The following BAIAP3 variants were observed in gnomAD, a reference collection of about 807,000 sequenced individuals.
The protein encoded by BAIAP3 is BAI1-associated protein 3.
A neutral mutation model predicts 149.7 loss-of-function variants in BAIAP3; 180 were observed. The ratio of observed to expected loss-of-function variants is 1.20; its 90% CI spans 1.07 to 1.36. The LOEUF is 1.36. Ranked by LOEUF, BAIAP3 falls within the 40% of genes most tolerant of loss-of-function variation. The pLI, the probability that BAIAP3 is intolerant of heterozygous loss-of-function variation, is 0.00. For missense variants in BAIAP3, 1,767 were observed against 1,563.4 expected, an observed-to-expected ratio of 1.13 and a Z score of -2.20; for synonymous variants, 845 against 670.7, an observed-to-expected ratio of 1.26 and a Z score of -4.02.
rs2141598224 is a variant in BAIAP3, at chr16:1,344,124, C to T, written c.1489C>T (p.His497Tyr). The stretch of plus-strand genomic sequence containing the variant: ...CCCTGCCACCAACAGCACCGCTGTC[C>T]ACCGCCTGGAGCTGCTGCTGAAGTG... ...YFPATNSTAV[H>Y]RLELLLKCLG... is the part of the protein sequence containing the mutation. The change falls in exon 16 of 34, where the codon CAC becomes TAC. Residue 497 changes from histidine (H) to tyrosine (Y), a missense_variant. Transcript: ENST00000426824. 1.2e-6 allele frequency: 2 copies of T among 1,612,012 alleles called. No individual in the cohort carries two copies. The highest frequency in any genetic ancestry group is 1.7e-6 in the Non-Finnish European group (2 of 1,179,830).
intron 1 of BAIAP3, chr16:1,336,136 C>A: frequency 2.3e-6 from 2 of 885,562 alleles, no homozygotes; most frequent in Non-Finnish European, 2.7e-6. Context: ...CCCCCATCGC[C>A]CCTGTCACAC....
chr16:1,336,567 G>A (rs1201730580), intron 1 of BAIAP3, among the ~76,000 whole-genome samples: 1 of 152,158 alleles, frequency 6.6e-6, no homozygotes, highest in Non-Finnish European at 1.5e-5. Context: ...CTGAGCTGGT[G>A]TGGGTATAGC....
rs887041870 is a variant in BAIAP3 at position 1,347,084 on chromosome 16, C to T, written c.2751+129C>T. The stretch of plus-strand genomic sequence containing the variant: ...GCAGCCACTCCAGGGCTGTCCACAG[C>T]GCCTCCTCCCGTTAATGCCGAGGTG... On this transcript the variant is annotated intron_variant, in intron 28 of 33. Transcript: ENST00000426824. 6.5e-5 allele frequency: 61 copies of T among 941,392 alleles called. No homozygotes were observed. In the Admixed American group the frequency reaches 1.0e-3, roughly 16 times the overall value. The allele number at this position is 941,392 out of a possible 1,614,324, so 58.3% of individuals were successfully genotyped here.
chr16:1,340,212 GCA>G (rs1216175421), intron 5 of BAIAP3, among the ~76,000 whole-genome samples: 2 of 112,256 alleles, frequency 1.8e-5, no homozygotes, highest in African/African-American at 3.7e-5. Flanking sequence ...GGCTGCAGGT[GCA>G]CACAGACACA....
chr16:1,338,156 G>A (rs1487910912), intron 1 of BAIAP3, among the ~76,000 whole-genome samples: 1 of 152,140 alleles, frequency 6.6e-6, no homozygotes, highest in Admixed American at 6.5e-5. Context: ...TGCAGCCCCA[G>A]GAAACAGGCG....
At chr16:1,345,915 A>G (rs1225015815) in intron 23 of BAIAP3, 25 bp downstream of exon 23, 1 of 1,548,650 alleles carries the variant, frequency 6.5e-7, no homozygotes, top group Admixed American at 1.9e-5. Flanking sequence ...CCTGGGGGTG[A>G]GGGGAACGGG....
In BAIAP3 at chr16:1,348,417, A is replaced by G. The variant is rs1464395017; in HGVS notation, c.3394A>G (p.Lys1132Glu). 1.2e-6 allele frequency: 2 copies of G among 1,612,682 alleles called. No homozygotes were observed. Among genetic ancestry groups the G allele is most frequent in the African/African-American group, 1.3e-5 (1 of 74,940 alleles). ...GAGGAGGCTGGAAGGCCGCACCAGC[A>G]AGGAGGCGCAGGAGTTCGTGAAGAA... ...ALRRLEGRTSKEAQEFVKKLK... is the reference protein window; with the variant it reads ...ALRRLEGRTSEEAQEFVKKLK... Residue 1132 changes from lysine (K) to glutamate (E), a missense_variant, in exon 34 of 34, where the codon AAG (lysine) becomes GAG (glutamate). Physicochemically the swap from Lys to Glu is moderately conservative, Grantham distance 56. Transcript: ENST00000426824.
At chr16:1,334,807 G>T (rs1188963899) in intron 1 of BAIAP3, 2 of 1,482,328 alleles carry the variant, frequency 1.3e-6, no homozygotes, top group Non-Finnish European at 1.8e-6. Flanking sequence ...CTGGTGAAGG[G>T]GAGTCGGGGG....
rs889333010 is a variant in BAIAP3 at position 1,345,351 on chromosome 16, G to C, written c.2043G>C (p.Gln681His). ...VLRDQAKWRL[Q>H]GAVDMDTLEP... ...GGGACCAGGCCAAGTGGAGGCTTCA[G>C]GGAGCCGTGGACATGGACACGGTGA... Residue 681 changes from glutamine to histidine, a missense_variant, in exon 22 of 34, where the codon CAG (glutamine) becomes CAC (histidine). Transcript: ENST00000426824. The C allele has an allele frequency of 1.2e-6, 2 of 1,612,640 alleles. No homozygotes were observed. The highest frequency in any genetic ancestry group is 1.7e-6 in the Non-Finnish European group (2 of 1,179,780).
rs923965822 is a variant in BAIAP3 at position 1,349,068 on chromosome 16, C to T, written c.*586C>T. On this transcript the variant is annotated 3_prime_UTR_variant, in exon 34 of 34. Transcript: ENST00000426824. ...CCTGAGGTCACTCTGAGGCCAGGGA[C>T]GTCACCCAAGGCTGGTGGTCAGTGT... The T allele has an allele frequency of 1.3e-4, 42 of 318,442 alleles. No homozygotes were observed. The highest frequency in any genetic ancestry group is 2.2e-4 in the Non-Finnish European group (37 of 168,166). The allele number at this position is 318,442 out of a possible 1,614,324, so 19.7% of individuals were successfully genotyped here. A position where few individuals can be genotyped will look rare whatever the true frequency, so the allele number is the denominator to read the frequency against.
chr16:1,349,106 G>C lies in BAIAP3; in HGVS notation c.*624G>C. 2.6e-6 allele frequency: 1 copy of C among 384,338 alleles called. No homozygotes were observed. Among genetic ancestry groups the C allele is most frequent in the South Asian group, 2.4e-5 (1 of 42,254 alleles). The allele number at this position is 384,338 out of a possible 1,614,324, so 23.8% of individuals were successfully genotyped here. On this transcript the variant is annotated 3_prime_UTR_variant, in exon 34 of 34. Coordinates refer to ENST00000426824, the MANE Select transcript of BAIAP3 (RefSeq NM_001199097.2). The stretch of plus-strand genomic sequence containing the variant: ...TGGTGGTCAGTGTGAAGGGCTCCGT[G>C]CCAACTGGTCAGCTGTCCTTCACGC...
chr16:1,340,408 ACG>A (rs2033837956), intron 5 of BAIAP3, among the ~76,000 whole-genome samples: 1 of 101,564 alleles, frequency 9.8e-6, no homozygotes, highest in Admixed American at 1.2e-4. Context: ...ACACAGATGC[ACG>A]CACATAGGCT....
Position 1,345,353 on chromosome 16 carries a change from G to A in BAIAP3, c.2045G>A (p.Gly682Glu), listed in dbSNP as rs768434936. The change falls in exon 22 of 34, where the codon GGA (glycine) becomes GAA (glutamate). Residue 682 changes from glycine (G) to glutamate (E), a missense_variant. Physicochemically the swap from Gly to Glu is moderately conservative, Grantham distance 98. Transcript: ENST00000426824. ...GACCAGGCCAAGTGGAGGCTTCAGGGAGCCGTGGACATGGACACGGTGACA... is the reference window on the plus strand; with the variant it reads ...GACCAGGCCAAGTGGAGGCTTCAGGAAGCCGTGGACATGGACACGGTGACA... The part of the protein sequence containing the change: ...LRDQAKWRLQ[G>E]AVDMDTLEPV... The A allele has an allele frequency of 1.3e-5, 21 of 1,612,482 alleles. No homozygotes were observed. In the South Asian group the frequency reaches 2.3e-4, roughly 18 times the overall value.
rs148596071 is a variant in BAIAP3 at position 1,342,211 on chromosome 16, C to A, written c.885C>A (p.Arg295=). 6.2e-7 allele frequency: 1 copy of A among 1,609,688 alleles called. No homozygotes were observed. Among genetic ancestry groups the A allele is most frequent in the South Asian group, 1.1e-5 (1 of 90,900 alleles). The stretch of plus-strand genomic sequence containing the variant: ...TCAAACAGATCGTCAAGTCAGCCCG[C>A]GCAAACGGGACAGCAGGACCCACCG... ...RYFKQIVKSA[R]ANGTAGPTED... is the part of the protein sequence containing the mutation. The change falls in exon 11 of 34, where the codon CGC becomes CGA. Residue 295 remains arginine, a synonymous_variant. Coordinates refer to ENST00000426824, the MANE Select transcript of BAIAP3 (RefSeq NM_001199097.2).
At position 1,344,131 on chromosome 16, in the gene BAIAP3, T is replaced by C. The variant is rs201916316; in HGVS notation, c.1496T>C (p.Leu499Pro). Residue 499 changes from leucine to proline, a missense_variant, in exon 16 of 34, where the codon CTG becomes CCG. Physicochemically the swap from Leu to Pro is moderately conservative, Grantham distance 98. Coordinates refer to ENST00000426824, the MANE Select transcript of BAIAP3 (RefSeq NM_001199097.2). ...ACCAACAGCACCGCTGTCCACCGCC[T>C]GGAGCTGCTGCTGAAGTGGGTGCAG... is the stretch of plus-strand genomic sequence containing the variant. ...PATNSTAVHR[L>P]ELLLKCLGKL... The C allele has an allele frequency of 1.4e-4, 229 of 1,611,806 alleles. No individual in the cohort carries two copies. Among genetic ancestry groups the C allele is most frequent in the Non-Finnish European group, 2.5e-5 (30 of 1,179,776 alleles).
rs370438521 is a variant in BAIAP3, at chr16:1,340,917, C to T, written c.409-5C>T. ...AGGCCCTGCCAACCCAGCCACCCTCCACAGGTGTTTGGCACCAGCCTTGAG... is the reference window on the plus strand; with the variant it reads ...AGGCCCTGCCAACCCAGCCACCCTCTACAGGTGTTTGGCACCAGCCTTGAG... On this transcript the variant is annotated splice_region_variant and splice_polypyrimidine_tract_variant and intron_variant, in intron 5 of 33. Coordinates refer to ENST00000426824, the MANE Select transcript of BAIAP3 (RefSeq NM_001199097.2). 165 of 1,567,718 alleles carry T rather than the reference C, an allele frequency of 1.1e-4. No individual in the cohort carries two copies. The highest frequency in any genetic ancestry group is 1.4e-4 in the Non-Finnish European group (161 of 1,156,674).
At chr16:1,336,479 G>A (rs771694064) in intron 1 of BAIAP3, 1 of 846,696 alleles carries the variant, frequency 1.2e-6, no homozygotes, top group Admixed American at 6.2e-5. Flanking sequence ...CTAGGGTCTG[G>A]TCCCGTAAGA....
chr16:1,347,264 T>C, intron 28 of BAIAP3, 34 bp from the exon 29 acceptor site: 1 of 1,605,136 alleles, frequency 6.2e-7, no homozygotes, highest in Middle Eastern at 1.9e-4. Flanking sequence ...CAAGCCAGGC[T>C]CCCTGACACC....
In BAIAP3 at chr16:1,344,080, G is replaced by A. The variant is rs371978318; in HGVS notation, c.1445G>A (p.Arg482His). 6.9e-5 allele frequency: 112 copies of A among 1,611,976 alleles called. No individual in the cohort carries two copies. The highest frequency in any genetic ancestry group is 9.0e-5 in the Non-Finnish European group (106 of 1,179,908). Residue 482 changes from arginine to histidine, a missense_variant, in exon 16 of 34, where the codon CGC becomes CAC. Transcript: ENST00000426824. ...TCTGAGTTCGGGCTGCAGCTGCTGC[G>A]CCAGCTCCGAGACTACTTCCCTGCC... is the stretch of plus-strand genomic sequence containing the variant. ...AFSEFGLQLL[R>H]QLRDYFPATN...
Sources: allele counts gnomAD v4.1 joint callset (sites outside exome capture counted in the v4.1 genomes callset), GRCh38; gene constraint gnomAD v4.1.1; transcripts MANE v1.5; gene names NCBI Gene and HGNC (gene_info 2026-07-23, HGNC 2026-07-21).